Variants in TNKS observed in about 807,000 individuals in gnomAD.
TNKS encodes the protein tankyrase, also known as poly [ADP-ribose] polymerase tankyrase-1.
A neutral mutation model predicts 135.8 loss-of-function variants in TNKS; 72 were observed. That is an observed-to-expected ratio of 0.53 (90% CI 0.44 to 0.64). TNKS has a LOEUF of 0.64. TNKS is among the 30% of genes least tolerant of loss of function. TNKS has a pLI of 0.00. For synonymous variants in TNKS, 849 were observed against 649.3 expected, an observed-to-expected ratio of 1.31 and a Z score of -4.68; for missense variants, 1,769 against 1,674.0, an observed-to-expected ratio of 1.06 and a Z score of -0.99.
rs1808369069 is a variant in TNKS, at chr8:9,779,384, G to T, written c.*2648G>T. On this transcript the variant is annotated 3_prime_UTR_variant, in exon 27 of 27. Coordinates refer to ENST00000310430, the MANE Select transcript of TNKS (RefSeq NM_003747.3). ...CTAGCAAGTTAGGATCATCCAATAT[G>T]GCCTACCCCGAAATGGCCCCTCTGT... is the stretch of plus-strand genomic sequence containing the variant. 6.6e-6 allele frequency: 1 copy of T among 152,192 alleles called. No homozygotes were observed. The highest frequency in any genetic ancestry group is 2.4e-5 in the African/African-American group (1 of 41,404). The allele number at this position is 152,192 out of a possible 1,614,324, so 9.4% of individuals were successfully genotyped here.
At position 9,708,450 on chromosome 8, in the gene TNKS, A is replaced by T. The variant is rs751842932; in HGVS notation, c.1536A>T (p.Glu512Asp). The T allele has an allele frequency of 6.2e-7, 1 of 1,609,574 alleles. No individual in the cohort carries two copies. Among genetic ancestry groups the T allele is most frequent in the Admixed American group, 1.7e-5 (1 of 59,758 alleles). ...LAKVKKTLAL[E>D]IINFKQPQSH... is the part of the protein sequence containing the mutation. ...AAGTTAAAAAAACACTCGCTCTGGA[A>T]ATCATTAATTTCAAACAACCGCAGT... Residue 512 changes from glutamate (E) to aspartate (D), a missense_variant, in exon 9 of 27, where the codon GAA becomes GAT. This residue lies in a region of TNKS where 523 missense variants were observed against 541.0 expected (regional missense o/e 0.97). Transcript: ENST00000310430.
intron 12 of TNKS, among the ~76,000 whole-genome samples, chr8:9,725,263 T>C (rs1182000609): frequency 6.6e-6 from 1 of 152,202 alleles, no homozygotes; most frequent in Non-Finnish European, 1.5e-5. Context: ...TGGAATGCTC[T>C]CTGTGTGAAA....
intron 22 of TNKS, 92 bp from the exon 23 acceptor site, chr8:9,764,624 C>T: frequency 1.1e-6 from 1 of 889,262 alleles, no homozygotes. Flanking sequence ...TAGTGAACTC[C>T]TATTTATTTA....
Position 9,777,104 on chromosome 8 carries a change from C to T in TNKS, c.*368C>T, listed in dbSNP as rs937955650. ...ACTACATTTGTTTTGTTATGCATGA[C>T]GTGTCTATAACAAATATACACATAC... On this transcript the variant is annotated 3_prime_UTR_variant, in exon 27 of 27. Coordinates refer to ENST00000310430, the MANE Select transcript of TNKS (RefSeq NM_003747.3). The T allele has an allele frequency of 1.0e-4, 22 of 217,134 alleles. No homozygotes were observed. The highest frequency in any genetic ancestry group is 9.3e-4 in the Admixed American group (18 of 19,350). 13.5% of individuals were successfully genotyped at this position (217,134 alleles called of 1,614,324 possible).
At position 9,763,254 on chromosome 8, in the gene TNKS, A is replaced by G. The variant is rs1474273791; in HGVS notation, c.3372+10A>G. ...GTCAGTGGAAGAAGAGGTAATATAC[A>G]TCAGAAATCTTTCATTTGCTTTTCT... is the stretch of plus-strand genomic sequence containing the variant. On this transcript the variant is annotated intron_variant, in intron 22 of 26. Coordinates refer to ENST00000310430, the MANE Select transcript of TNKS (RefSeq NM_003747.3). 3.9e-6 allele frequency: 6 copies of G among 1,532,254 alleles called. No individual in the cohort carries two copies. In the African/African-American group the frequency reaches 8.2e-5, roughly 21 times the overall value. The allele number at this position is 1,532,254 out of a possible 1,614,324, so 94.9% of individuals were successfully genotyped here. A position where few individuals can be genotyped will look rare whatever the true frequency, so the allele number is the denominator to read the frequency against.
intron 12 of TNKS, among the ~76,000 whole-genome samples, chr8:9,723,211 A>C (rs1804987984): frequency 6.7e-6 from 1 of 149,886 alleles, no homozygotes; most frequent in Non-Finnish European, 1.5e-5. Context: ...TGAGTTTTTA[A>C]ACTACTATTT....
chr8:9,558,596 AGT>A (rs1395885374), intron 1 of TNKS: 1 of 152,202 alleles, frequency 6.6e-6, no homozygotes, highest in African/African-American at 2.4e-5. Context: ...ATTTAGGATA[AGT>A]CACACAAAAT....
In TNKS at chr8:9,764,739, C is replaced by CAGAG; in HGVS notation, c.3398_3401dup (p.Asp1134GlufsTer5). 1 of 1,599,130 alleles carries CAGAG rather than the reference C, an allele frequency of 6.3e-7. No individual in the cohort carries two copies. The highest frequency in any genetic ancestry group is 8.5e-7 in the Non-Finnish European group (1 of 1,174,800). On this transcript the variant is annotated frameshift_variant, in exon 23 of 27. Transcript: ENST00000310430. LOFTEE classifies it high-confidence loss of function. Reference sequence around the variant, plus strand: ...AGATGCAAAGTACTATTCGAGAACACAGAGATGGTGGTAATGCTGGCGGCA... The same window carrying CAGAG: ...AGATGCAAAGTACTATTCGAGAACACAGAGAGAGATGGTGGTAATGCTGGCGGCA...
intron 8 of TNKS, among the ~76,000 whole-genome samples, chr8:9,707,819 G>C (rs769680676): frequency 3.0e-4 from 45 of 152,140 alleles, no homozygotes; most frequent in East Asian, 5.8e-4. Context: ...CCTTTTCTGT[G>C]TCAAGACCTA....
chr8:9,658,719 A>G (rs1202725860), intron 3 of TNKS, among the ~76,000 whole-genome samples: 1 of 152,252 alleles, frequency 6.6e-6, no homozygotes, highest in Non-Finnish European at 1.5e-5. Flanking sequence ...GACAGGATCA[A>G]ATTCACACAT....
chr8:9,609,848 ATTTTCTTT>A (rs1203792055), intron 2 of TNKS, among the ~76,000 whole-genome samples: 2 of 151,882 alleles, frequency 1.3e-5, no homozygotes, highest in African/African-American at 2.4e-5. Flanking sequence ...GGTTACTTGA[ATTTTCTTT>A]TTTTCTTTTT....
chr8:9,571,615 G>T (rs961752954), intron 1 of TNKS, among the ~76,000 whole-genome samples: 2 of 151,992 alleles, frequency 1.3e-5, no homozygotes, highest in Non-Finnish European at 2.9e-5. Context: ...CCACCACCAC[G>T]CCTGGCTATT....
intron 12 of TNKS, among the ~76,000 whole-genome samples, chr8:9,726,091 G>C (rs1484227841): frequency 6.6e-6 from 1 of 152,132 alleles, no homozygotes; most frequent in African/African-American, 2.4e-5. Flanking sequence ...AGTACATTGA[G>C]ACTAAAAGAA....
chr8:9,683,078 T>C (rs1039731738), intron 5 of TNKS, among the ~76,000 whole-genome samples: 2 of 152,034 alleles, frequency 1.3e-5, no homozygotes, highest in African/African-American at 4.8e-5. Context: ...TAATTAACAA[T>C]TGCTCATCTG....
At chr8:9,595,674 TG>T (rs1798756659) in intron 2 of TNKS, among the ~76,000 whole-genome samples, 1 of 151,926 alleles carries the variant, frequency 6.6e-6, no homozygotes, top group Non-Finnish European at 1.5e-5. Flanking sequence ...TTAAATTAGG[TG>T]GAAAAAGCAA....
At chr8:9,642,987 T>G (rs1800777899) in intron 3 of TNKS, among the ~76,000 whole-genome samples, 1 of 146,380 alleles carries the variant, frequency 6.8e-6, no homozygotes, top group Admixed American at 7.2e-5. Context: ...TTTATATACT[T>G]TTTTAAGTCA....
In TNKS at chr8:9,706,226, T is replaced by C; in HGVS notation, c.1242T>C (p.His414=). 1 of 1,578,398 alleles carries C rather than the reference T, an allele frequency of 6.3e-7. No individual in the cohort carries two copies. The highest frequency in any genetic ancestry group is 8.6e-7 in the Non-Finnish European group (1 of 1,165,870). Residue 414 remains histidine (H), a synonymous_variant, in exon 7 of 27, where the codon CAT becomes CAC. Coordinates refer to ENST00000310430, the MANE Select transcript of TNKS (RefSeq NM_003747.3). The stretch of plus-strand genomic sequence containing the variant: ...TTCATAATGCATGTTCATATGGACA[T>C]TATGAAGTCACAGAACTGCTACTAA... The part of the protein sequence containing the change: ...VPLHNACSYG[H]YEVTELLLKH...
intron 8 of TNKS, among the ~76,000 whole-genome samples, chr8:9,707,429 C>T (rs529964805): frequency 1.3e-5 from 2 of 152,214 alleles, no homozygotes; most frequent in East Asian, 3.9e-4. Context: ...CGTTCTTGTG[C>T]CATTGACAGT....
intron 26 of TNKS, among the ~76,000 whole-genome samples, chr8:9,776,268 A>T (rs777696953): frequency 1.3e-5 from 2 of 152,146 alleles, no homozygotes; most frequent in Non-Finnish European, 2.9e-5. Context: ...GATTCAGCAA[A>T]ATTTTTCTTT....
Sources: allele counts gnomAD v4.1 joint callset (sites outside exome capture counted in the v4.1 genomes callset), GRCh38; gene constraint gnomAD v4.1.1; regional missense constraint gnomAD v4.1.1; transcripts MANE v1.5; gene names NCBI Gene and HGNC (gene_info 2026-07-23, HGNC 2026-07-21).